The following CASK variants were observed in gnomAD, a reference collection of about 807,000 sequenced individuals.
The protein encoded by CASK is calcium/calmodulin dependent serine protein kinase, also known as peripheral plasma membrane protein CASK.
In CASK, 4 loss-of-function variants were observed where a neutral mutation model predicts 82.9. That is an observed-to-expected ratio of 0.05 (90% CI 0.02 to 0.11). The LOEUF is 0.11. Ranked by LOEUF, CASK falls within the 10% of genes least tolerant of loss-of-function variation. CASK has a pLI of 1.00. For synonymous variants in CASK, 259 were observed against 253.5 expected, an observed-to-expected ratio of 1.02 and a Z score of -0.20; for missense variants, 358 against 720.9, an observed-to-expected ratio of 0.50 and a Z score of 5.76.
intron 3 of CASK, among the ~76,000 whole-genome samples, chrX:41,755,607 A>G (rs747627886): frequency 5.4e-5 from 6 of 112,119 alleles, no homozygotes; most frequent in Admixed American, 9.5e-5. Flanking sequence ...TTTAAACTCA[A>G]TATTATTCTG....
At chrX:41,611,314 TACC>T (rs201810191) in intron 11 of CASK, among the ~76,000 whole-genome samples, 2,899 of 111,718 alleles carry the variant, frequency 0.026, 36 homozygotes, top group South Asian at 0.043. Context: ...TATATATCAG[TACC>T]ACTTTTCCAG....
chrX:41,622,514 C>G (rs1444375325), intron 11 of CASK, 103 bp downstream of exon 11: 1 of 618,827 alleles, frequency 1.6e-6, no homozygotes, highest in Non-Finnish European at 2.5e-6. Context: ...TAAACAACTA[C>G]ACACAAACAG....
rs2064579541 is a variant in CASK at position 41,517,790 on chromosome X, G to A, written c.*2630C>T. The A allele has an allele frequency of 9.0e-6, 7 of 777,665 alleles. No individual in the cohort carries two copies. In the Admixed American group the frequency reaches 1.9e-4, roughly 21 times the overall value. The allele number at this position is 777,665 out of a possible 1,213,427, so 64.1% of individuals were successfully genotyped here. On this transcript the variant is annotated 3_prime_UTR_variant, in exon 27 of 27. Transcript: ENST00000378163. ...AGCAGTAGCAGCAGCAGCAGCAGCA[G>A]CAGCAGCAGCAGCAGCAGCAGCAGC...
At chrX:41,795,344 T>C (rs927494042) in intron 2 of CASK, among the ~76,000 whole-genome samples, 2 of 112,244 alleles carry the variant, frequency 1.8e-5, no homozygotes, top group Non-Finnish European at 3.8e-5. Flanking sequence ...AAATTTGGAA[T>C]GGGCAAAGCA....
At chrX:41,521,035 C>T (rs1468846590) in intron 26 of CASK, among the ~76,000 whole-genome samples, 1 of 112,297 alleles carries the variant, frequency 8.9e-6, no homozygotes, top group Non-Finnish European at 1.9e-5. Flanking sequence ...AAGGCTGGAG[C>T]TCTTTGCCCC....
intron 1 of CASK, among the ~76,000 whole-genome samples, chrX:41,890,366 G>T: frequency 9.1e-6 from 1 of 109,870 alleles, no homozygotes; most frequent in Non-Finnish European, 1.9e-5. Context: ...TTGAAAACTA[G>T]AAATTACATT....
At chrX:41,601,167 A>T (rs1272539692) in intron 12 of CASK, among the ~76,000 whole-genome samples, 4 of 111,504 alleles carry the variant, frequency 3.6e-5, no homozygotes, top group Admixed American at 2.9e-4. Context: ...AGAGTTCTGG[A>T]GATGGATAGT....
chrX:41,843,922 A>C (rs5917454), intron 2 of CASK, among the ~76,000 whole-genome samples: 21,376 of 110,843 alleles, frequency 0.19, 1,643 homozygotes, highest in Middle Eastern at 0.31. Context: ...TTAGTTTATA[A>C]ATTCATCAGT....
chrX:41,890,851 T>C (rs751959093), intron 1 of CASK, among the ~76,000 whole-genome samples: 1 of 110,591 alleles, frequency 9.0e-6, no homozygotes, highest in South Asian at 3.9e-4. Flanking sequence ...TTCCTAAATG[T>C]GTACCTCTTT....
intron 21 of CASK, among the ~76,000 whole-genome samples, chrX:41,545,796 T>A (rs1345257832): frequency 9.0e-6 from 1 of 110,716 alleles, no homozygotes; most frequent in Non-Finnish European, 1.9e-5. Flanking sequence ...TTTACTTATA[T>A]CTTTTTAAAT....
At chrX:41,769,061 T>C (rs182230697) in intron 3 of CASK, among the ~76,000 whole-genome samples, 2 of 111,392 alleles carry the variant, frequency 1.8e-5, no homozygotes, top group Non-Finnish European at 1.9e-5. Flanking sequence ...GAGAGTAATA[T>C]GAAAACTACG....
At position 41,749,934 on chromosome X, in the gene CASK, T is replaced by C. The variant is rs192671568; in HGVS notation, c.279-4333A>G. On this transcript the variant is annotated intron_variant, in intron 3 of 26. Transcript: ENST00000378163. ...AGTATTTATTATTAGGCTTTTTCCC[T>C]GTACATGTTATATTTTAGTTGCTAT... is the stretch of plus-strand genomic sequence containing the variant. Among the ~76,000 whole-genome samples, 848 of 111,472 alleles carry C rather than the reference T, an allele frequency of 7.6e-3. 8 individuals carry two copies. The highest frequency in any genetic ancestry group is 0.027 in the African/African-American group (815 of 30,685).
chrX:41,552,569 T>A (rs967847685), intron 21 of CASK: 1 of 111,893 alleles, frequency 8.9e-6, no homozygotes, highest in Non-Finnish European at 1.9e-5. Context: ...AAGAATATAA[T>A]GGCATCATCA....
intron 1 of CASK, among the ~76,000 whole-genome samples, chrX:41,896,559 A>G (rs2148056644): frequency 8.9e-6 from 1 of 112,593 alleles, no homozygotes; most frequent in South Asian, 3.6e-4. Flanking sequence ...AAAACCTCTT[A>G]GAAATGAATT....
chrX:41,680,136 A>G (rs2067326063), intron 5 of CASK, among the ~76,000 whole-genome samples: 1 of 106,985 alleles, frequency 9.3e-6, no homozygotes, highest in Non-Finnish European at 1.9e-5. Flanking sequence ...GTGAGCTGAG[A>G]TTGCACCACT....
chrX:41,749,284 A>G (rs1262639419), intron 3 of CASK, among the ~76,000 whole-genome samples: 2 of 108,331 alleles, frequency 1.8e-5, no homozygotes, highest in Non-Finnish European at 3.8e-5. Context: ...ACTCCATCTC[A>G]AAACAAAAAC....
intron 3 of CASK, among the ~76,000 whole-genome samples, chrX:41,777,946 C>A (rs2069396713): frequency 9.0e-6 from 1 of 111,124 alleles, no homozygotes; most frequent in African/African-American, 3.3e-5. Flanking sequence ...TAAATTATTT[C>A]TAATAGGGAA....
intron 5 of CASK, among the ~76,000 whole-genome samples, chrX:41,731,970 C>T (rs1449249246): frequency 2.0e-5 from 2 of 97,618 alleles, no homozygotes; most frequent in Admixed American, 1.2e-4. Context: ...GAGATGTGCT[C>T]TTGCTATGTT....
chrX:41,648,488 C>G (rs2066802490), intron 8 of CASK, among the ~76,000 whole-genome samples: 1 of 111,163 alleles, frequency 9.0e-6, no homozygotes, highest in Non-Finnish European at 1.9e-5. Context: ...CGCATACTCC[C>G]TCCCCTTTTG....
Sources: allele counts gnomAD v4.1 joint callset (sites outside exome capture counted in the v4.1 genomes callset), GRCh38; gene constraint gnomAD v4.1.1; transcripts MANE v1.5; gene names NCBI Gene and HGNC (gene_info 2026-07-23, HGNC 2026-07-21).